CLDN16: variants seen among roughly 807,000 people sequenced by gnomAD.
The protein encoded by CLDN16 is claudin-16.
CLDN16 carries 13 observed loss-of-function variants against 24.6 expected under a neutral mutation model. That is an observed-to-expected ratio of 0.53 (90% CI 0.34 to 0.84). The LOEUF (loss-of-function observed/expected upper bound fraction) is 0.84. Ranked by LOEUF, CLDN16 falls within the 40% of genes least tolerant of loss-of-function variation. CLDN16 has a pLI of 0.01. For synonymous variants in CLDN16, 116 were observed against 106.7 expected, an observed-to-expected ratio of 1.09 and a Z score of -0.54; for missense variants, 298 against 292.7, an observed-to-expected ratio of 1.02 and a Z score of -0.13.
intron 1 of CLDN16, among the ~76,000 whole-genome samples, chr3:190,390,249 G>A (rs74319268): frequency 0.1 from 15,426 of 152,144 alleles, 952 homozygotes; most frequent in Non-Finnish European, 0.14. Context: ...CACATTTAAA[G>A]GAAGAGGCTG....
chr3:190,388,207 A>G lies in CLDN16; in HGVS notation c.-123A>G. ...ACACCTGCAGCAGGGCGTGAGAAAA[A>G]GTAAAAGACCAGTATTTTCACATTG... On this transcript the variant is annotated 5_prime_UTR_variant, in exon 1 of 5. Coordinates refer to ENST00000264734, the MANE Select transcript of CLDN16 (RefSeq NM_006580.4). 2 of 1,614,102 alleles carry G rather than the reference A, an allele frequency of 1.2e-6. No homozygotes were observed. Among genetic ancestry groups the G allele is most frequent in the Non-Finnish European group, 1.7e-6 (2 of 1,180,002 alleles).
chr3:190,374,325 A>G (rs1242561447), intron 2 of CLDN16, among the ~76,000 whole-genome samples: 1 of 135,478 alleles, frequency 7.4e-6, no homozygotes, highest in African/African-American at 2.9e-5. Flanking sequence ...TTTTCCCTGA[A>G]GCAGAGTCAG....
At chr3:190,363,555 T>TATAC (rs1717948699) in intron 1 of CLDN16, among the ~76,000 whole-genome samples, 1 of 8,814 alleles carries the variant, frequency 1.1e-4, no homozygotes, top group Non-Finnish European at 2.7e-4. Context: ...TGTGTGTGTG[T>TATAC]GTATATATAT....
At chr3:190,318,941 A>G (rs1469112280), upstream of CLDN16, among the ~76,000 whole-genome samples, 1 of 152,220 alleles carries the variant, frequency 6.6e-6, no homozygotes, top group Non-Finnish European at 1.5e-5. Context: ...TAAACAGGCT[A>G]GAGGAGCTTA....
intron 3 of CLDN16, among the ~76,000 whole-genome samples, chr3:190,406,274 A>G (rs1368569262): frequency 1.3e-5 from 2 of 152,238 alleles, no homozygotes; most frequent in Non-Finnish European, 2.9e-5. Context: ...TTATAAAGTT[A>G]CAAAAATTTA....
chr3:190,351,333 GTT>G (rs200212363), intron 1 of CLDN16, among the ~76,000 whole-genome samples: 2 of 150,612 alleles, frequency 1.3e-5, no homozygotes, highest in African/African-American at 4.9e-5. Context: ...GAAACAGACT[GTT>G]TTTTTTTCCC....
the CLDN16 span, among the ~76,000 whole-genome samples, chr3:190,302,239 A>T: frequency 6.6e-6 from 1 of 152,178 alleles, no homozygotes; most frequent in African/African-American, 2.4e-5. Context: ...CATTATTATA[A>T]ACTGTTACCT....
At chr3:190,367,631 T>C (rs1409951185) in intron 1 of CLDN16, among the ~76,000 whole-genome samples, 1 of 152,002 alleles carries the variant, frequency 6.6e-6, no homozygotes, top group Non-Finnish European at 1.5e-5. Context: ...TGTTTTTAAA[T>C]GGCTTTATTA....
At chr3:190,384,711 C>T (rs1360804949), upstream of CLDN16, among the ~76,000 whole-genome samples, 2 of 152,158 alleles carry the variant, frequency 1.3e-5, no homozygotes, top group Non-Finnish European at 2.9e-5. Context: ...AATATTACTC[C>T]CTCTTCTGTA....
chr3:190,340,916 G>A (rs1717413277), intron 1 of CLDN16, among the ~76,000 whole-genome samples: 1 of 152,204 alleles, frequency 6.6e-6, no homozygotes, highest in African/African-American at 2.4e-5. Flanking sequence ...AAATCCAGCA[G>A]GGCAGTCAAA....
At chr3:190,335,006 C>A (rs73192421) in intron 1 of CLDN16, among the ~76,000 whole-genome samples, 7,759 of 145,282 alleles carry the variant, frequency 0.053, 286 homozygotes, top group East Asian at 0.15. Flanking sequence ...TTATTCTTTT[C>A]TTTCCTTTTC....
chr3:190,324,552 C>T (rs1197325135), intron 1 of CLDN16, among the ~76,000 whole-genome samples: 3 of 152,186 alleles, frequency 2.0e-5, no homozygotes, highest in Non-Finnish European at 4.4e-5. Context: ...TATTTGTGCA[C>T]AGGCCCTTTT....
At chr3:190,297,764 A>C in the CLDN16 span, among the ~76,000 whole-genome samples, 3 of 144,448 alleles carry the variant, frequency 2.1e-5, no homozygotes, top group Admixed American at 7.3e-5. Flanking sequence ...ACACTCACAC[A>C]TATATACATA....
At position 190,404,754 on chromosome 3, in the gene CLDN16, T is replaced by G; in HGVS notation, c.218-8T>G. On this transcript the variant is annotated splice_region_variant and splice_polypyrimidine_tract_variant and intron_variant, in intron 2 of 4. Transcript: ENST00000264734. ...ACTCTGCTTTAACCATATGCCCTGGTCTTCCAGTGAAGCTGGTGGTAACTC... is the reference window on the plus strand; with the variant it reads ...ACTCTGCTTTAACCATATGCCCTGGGCTTCCAGTGAAGCTGGTGGTAACTC... The G allele has an allele frequency of 1.2e-6, 2 of 1,614,118 alleles. No individual in the cohort carries two copies. Among genetic ancestry groups the G allele is most frequent in the Non-Finnish European group, 8.5e-7 (1 of 1,179,928 alleles).
intron 1 of CLDN16, among the ~76,000 whole-genome samples, chr3:190,324,763 T>A (rs182489721): frequency 6.6e-6 from 1 of 152,312 alleles, no homozygotes; most frequent in Admixed American, 6.5e-5. Context: ...TCTCTAGGCA[T>A]CCTTAATCCT....
intron 1 of CLDN16, among the ~76,000 whole-genome samples, chr3:190,361,749 A>C (rs1171560172): frequency 6.6e-6 from 1 of 151,962 alleles, no homozygotes; most frequent in Non-Finnish European, 1.5e-5. Context: ...AGCAGCCTGA[A>C]AAATTGAGCT....
chr3:190,331,226 T>C (rs1717173665), intron 1 of CLDN16, among the ~76,000 whole-genome samples: 1 of 152,180 alleles, frequency 6.6e-6, no homozygotes, highest in Non-Finnish European at 1.5e-5. Context: ...AACAGTGATG[T>C]CTTCTCCCAA....
At chr3:190,324,589 A>T (rs113917241) in intron 1 of CLDN16, among the ~76,000 whole-genome samples, 4,762 of 152,262 alleles carry the variant, frequency 0.031, 114 homozygotes, top group South Asian at 0.081. Flanking sequence ...GGTTTCTATC[A>T]ACCTACAATT....
chr3:190,362,402 C>T (rs766924848), intron 1 of CLDN16, among the ~76,000 whole-genome samples: 123 of 151,932 alleles, frequency 8.1e-4, no homozygotes, highest in Non-Finnish European at 1.6e-3. Context: ...CACTTCGACC[C>T]CCTCTGTGAT....
Sources: allele counts gnomAD v4.1 joint callset (sites outside exome capture counted in the v4.1 genomes callset), GRCh38; gene constraint gnomAD v4.1.1; transcripts MANE v1.5; gene names NCBI Gene and HGNC (gene_info 2026-07-23, HGNC 2026-07-21).